Variants in NTRK3 observed in about 807,000 individuals in gnomAD.
NTRK3 encodes the protein neurotrophic receptor tyrosine kinase 3, also known as NT-3 growth factor receptor.
A neutral mutation model predicts 91.7 loss-of-function variants in NTRK3; 24 were observed. That is an observed-to-expected ratio of 0.26 (90% CI 0.19 to 0.37). NTRK3 has a LOEUF of 0.37. Among genes scored for constraint, NTRK3 ranks in the 10% least tolerant of loss-of-function variants. The probability of loss-of-function intolerance (pLI) is 1.00; values close to 1 mark genes in which losing one functional copy is unlikely to be tolerated. For synonymous variants in NTRK3, 483 were observed against 404.0 expected, an observed-to-expected ratio of 1.20 and a Z score of -2.34; for missense variants, 880 against 1,068.9, an observed-to-expected ratio of 0.82 and a Z score of 2.46.
chr15:88,239,082 C>G (rs1284637709), intron 3 of NTRK3, among the ~76,000 whole-genome samples: 2 of 152,130 alleles, frequency 1.3e-5, no homozygotes, highest in African/African-American at 2.4e-5. Context: ...ACTATGAGCT[C>G]CAGGAAGTGG....
intron 3 of NTRK3, among the ~76,000 whole-genome samples, chr15:88,190,339 A>G (rs1313790450): frequency 6.6e-6 from 1 of 152,074 alleles, no homozygotes; most frequent in African/African-American, 2.4e-5. Flanking sequence ...CATTACACAC[A>G]TCCTTGCCTT....
At chr15:88,086,518 T>TTTTTTTTTTTTTTTTTG (rs1567368944) in intron 13 of NTRK3, among the ~76,000 whole-genome samples, 4 of 144,548 alleles carry the variant, frequency 2.8e-5, no homozygotes, top group African/African-American at 1.2e-4. Flanking sequence ...TTTTATTTTT[T>TTTTTTTTTTTTTTTTTG]AAAAACATGG....
rs575708564 is a variant in NTRK3, at chr15:88,007,073, G to A, written c.1585+25784C>T. Among the ~76,000 whole-genome samples, 25 of 152,280 alleles carry A rather than the reference G, an allele frequency of 1.6e-4. No individual in the cohort carries two copies. The East Asian group carries it at 2.1e-3, about 13-fold the overall frequency. Reference sequence around the variant, plus strand: ...TAGTACAAAAATGAAAAAACCTAGCGTGAGGAGAGACATGACCCCCGGCCT... The same window carrying A: ...TAGTACAAAAATGAAAAAACCTAGCATGAGGAGAGACATGACCCCCGGCCT... On this transcript the variant is annotated intron_variant, in intron 14 of 18. Coordinates refer to ENST00000394480, the Ensembl canonical transcript of NTRK3.
intron 14 of NTRK3, among the ~76,000 whole-genome samples, chr15:88,006,151 C>A (rs2076470791): frequency 6.6e-6 from 1 of 152,168 alleles, no homozygotes. Flanking sequence ...ATCCAGCAAG[C>A]ACCAGGGTGG....
chr15:87,898,446 C>G (rs931627096), intron 17 of NTRK3, among the ~76,000 whole-genome samples: 6 of 152,212 alleles, frequency 3.9e-5, no homozygotes, highest in African/African-American at 1.2e-4. Context: ...GGCTTAGACA[C>G]TCAGGAGGAG....
exon 17 of NTRK3, chr15:87,929,413 C>G (rs1234708660): frequency 1.2e-6 from 2 of 1,614,084 alleles, no homozygotes; most frequent in Non-Finnish European, 8.5e-7. Context: ...CCACAAGGAT[C>G]ATTGCATCTG....
chr15:88,250,855 T>C (rs1012623615), intron 3 of NTRK3, among the ~76,000 whole-genome samples: 1 of 152,274 alleles, frequency 6.6e-6, no homozygotes, highest in Non-Finnish European at 1.5e-5. Context: ...TATATATCTA[T>C]TATCTATACA....
exon 16 of NTRK3, chr15:87,933,098 G>A (rs944569547): frequency 6.2e-7 from 1 of 1,614,080 alleles, no homozygotes; most frequent in Non-Finnish European, 8.5e-7. Context: ...CATAGAACTT[G>A]ACAATGTGCT....
chr15:88,184,259 C>T (rs1222179640), exon 4 of NTRK3: 13 of 1,613,910 alleles, frequency 8.1e-6, no homozygotes, highest in Non-Finnish European at 1.0e-5. Flanking sequence ...TCCATGTCCA[C>T]GGCGTTGAGC....
chr15:87,923,841 G>C (rs553821011), intron 17 of NTRK3, among the ~76,000 whole-genome samples: 2 of 152,010 alleles, frequency 1.3e-5, no homozygotes, highest in African/African-American at 4.8e-5. Context: ...TCACAAGAGC[G>C]GGTTTACTAT....
chr15:88,041,651 C>A (rs906933298), intron 13 of NTRK3, among the ~76,000 whole-genome samples: 2 of 152,164 alleles, frequency 1.3e-5, no homozygotes, highest in Admixed American at 1.3e-4. Context: ...CCCGCCAACA[C>A]CTGGCGCAGC....
At chr15:87,964,419 T>A (rs1034033431) in intron 14 of NTRK3, among the ~76,000 whole-genome samples, 5 of 150,372 alleles carry the variant, frequency 3.3e-5, no homozygotes, top group African/African-American at 7.4e-5. Flanking sequence ...CAAGCATCAT[T>A]GAGTTCATAC....
chr15:87,968,150 G>A (rs1222325114), intron 14 of NTRK3, among the ~76,000 whole-genome samples: 1 of 152,198 alleles, frequency 6.6e-6, no homozygotes, highest in Non-Finnish European at 1.5e-5. Context: ...CCAGACATGT[G>A]ATGATGTCAT....
At chr15:88,179,920 C>T (rs942047439) in intron 5 of NTRK3, among the ~76,000 whole-genome samples, 6 of 152,128 alleles carry the variant, frequency 3.9e-5, no homozygotes, top group Non-Finnish European at 7.4e-5. Flanking sequence ...TATGAGTATT[C>T]CAGTCACCAG....
At position 88,178,931 on chromosome 15, in the gene NTRK3, A is replaced by G. The variant is rs1016151362; in HGVS notation, c.395+4487T>C. Among the ~76,000 whole-genome samples, 5 of 152,194 alleles carry G rather than the reference A, an allele frequency of 3.3e-5. No individual in the cohort carries two copies. The South Asian group carries it at 1.0e-3, about 32-fold the overall frequency. Reference sequence around the variant, plus strand: ...GAAGTTCTTGCTGTGAAAACCAGAGAGAAAAAACGCTCCTGGGACGTAAAA... The same window carrying G: ...GAAGTTCTTGCTGTGAAAACCAGAGGGAAAAAACGCTCCTGGGACGTAAAA... On this transcript the variant is annotated intron_variant, in intron 5 of 18. Transcript: ENST00000394480.
At chr15:88,142,606 G>A (rs1339374749) in intron 6 of NTRK3, among the ~76,000 whole-genome samples, 1 of 152,192 alleles carries the variant, frequency 6.6e-6, no homozygotes, top group Non-Finnish European at 1.5e-5. Context: ...GATCAGCCAG[G>A]ACAGCCCTGC....
At chr15:87,933,626 C>A (rs966948671) in intron 15 of NTRK3, among the ~76,000 whole-genome samples, 2 of 152,266 alleles carry the variant, frequency 1.3e-5, no homozygotes, top group African/African-American at 4.8e-5. Flanking sequence ...GTCACATGCT[C>A]ATAGCCTATT....
chr15:88,051,244 C>A lies in NTRK3; in HGVS notation c.1397-18199G>T, dbSNP rs536315525. On this transcript the variant is annotated intron_variant, in intron 13 of 18. Transcript: ENST00000394480. ...TGCCCAACCCTACACCTCCCAGGAACCAGCTCAATCCCCACCACTCCCTTG... is the reference window on the plus strand; with the variant it reads ...TGCCCAACCCTACACCTCCCAGGAAACAGCTCAATCCCCACCACTCCCTTG... 7.9e-4 allele frequency among the ~76,000 whole-genome samples: 121 copies of A among 152,314 alleles called. 1 individual carries two copies. The highest frequency in any genetic ancestry group is 2.9e-3 in the African/African-American group (120 of 41,576).
intron 17 of NTRK3, among the ~76,000 whole-genome samples, chr15:87,895,779 CTT>C (rs34398729): frequency 1.3e-5 from 2 of 149,490 alleles, no homozygotes; most frequent in South Asian, 2.1e-4. Flanking sequence ...AATCCTTTAT[CTT>C]TTTTTTTTCA....
Sources: gnomAD v4.1 joint callset for allele counts (sites outside exome capture counted in the v4.1 genomes callset) on GRCh38, gnomAD v4.1.1 for gene constraint, MANE v1.5 for transcripts, NCBI Gene and HGNC (gene_info 2026-07-23, HGNC 2026-07-21) for gene names.